The following CTNNB1 variants were observed in gnomAD, a reference collection of about 807,000 sequenced individuals.
CTNNB1 encodes the protein catenin beta 1, also known as catenin beta-1.
In CTNNB1, 6 loss-of-function variants were observed where a neutral mutation model predicts 82.5. The ratio of observed to expected loss-of-function variants is 0.07; its 90% CI spans 0.04 to 0.14. The LOEUF is 0.14. CTNNB1 is among the 10% of genes least tolerant of loss of function. The pLI is 1.00. For synonymous variants in CTNNB1, 312 were observed against 329.7 expected (o/e 0.95, Z 0.58); for missense variants, 529 against 980.4 (o/e 0.54, Z 6.15).
Position 41,233,800 on chromosome 3 carries a change from G to C in CTNNB1, c.1457G>C (p.Arg486Pro), listed in dbSNP as rs750554859. 1 of 1,612,854 alleles carries C rather than the reference G, an allele frequency of 6.2e-7. No individual in the cohort carries two copies. The highest frequency in any genetic ancestry group is 8.5e-7 in the Non-Finnish European group (1 of 1,179,112). ...GCAGAGATGGCCCAGAATGCAGTTC[G>C]CCTTCACTATGGACTACCAGTTGTG... Reference protein sequence around the residue: ...QEAEMAQNAVRLHYGLPVVVK... With the variant: ...QEAEMAQNAVPLHYGLPVVVK... Residue 486 changes from arginine (R) to proline (P), a missense_variant, in exon 9 of 15, where the codon CGC becomes CCC. Arg to Pro is a moderately radical substitution (Grantham distance 103). This residue lies in a region of CTNNB1 where 411 missense variants were observed against 776.4 expected (regional missense o/e 0.53). Coordinates refer to ENST00000349496, the MANE Select transcript of CTNNB1 (RefSeq NM_001904.4).
chr3:41,226,502 G>A (rs1472566014), intron 6 of CTNNB1, among the ~76,000 whole-genome samples: 1 of 152,164 alleles, frequency 6.6e-6, no homozygotes, highest in Non-Finnish European at 1.5e-5. Context: ...AAGGTTAGGT[G>A]AGAAAACAAC....
intron 1 of CTNNB1, chr3:41,200,356 C>T (rs1323157024): frequency 6.6e-6 from 1 of 152,146 alleles, no homozygotes; most frequent in Admixed American, 6.6e-5. Context: ...CCATGTCTTG[C>T]ACCTGTATTT....
intron 1 of CTNNB1, among the ~76,000 whole-genome samples, chr3:41,214,675 T>G (rs942419612): frequency 6.6e-6 from 1 of 152,192 alleles, no homozygotes; most frequent in Non-Finnish European, 1.5e-5. Flanking sequence ...TACACCTGCC[T>G]TTGTTCTCAG....
At position 41,240,372 on chromosome 3, in the gene CTNNB1, T is replaced by G. The variant is rs1377027689; in HGVS notation, c.*1030T>G. The G allele has an allele frequency of 1.1e-5, 2 of 186,508 alleles. No homozygotes were observed. The highest frequency in any genetic ancestry group is 2.3e-5 in the Non-Finnish European group (2 of 88,000). 11.6% of individuals were successfully genotyped at this position (186,508 alleles called of 1,614,324 possible). On this transcript the variant is annotated 3_prime_UTR_variant, in exon 15 of 15. Transcript: ENST00000349496. Reference sequence around the variant, plus strand: ...CTTTTATCCCAAAGTTGTTGTAACCTGCTGTGATACGATGCTTCAAGAGAA... The same window carrying G: ...CTTTTATCCCAAAGTTGTTGTAACCGGCTGTGATACGATGCTTCAAGAGAA...
At chr3:41,209,713 A>G (rs1438798033) in intron 1 of CTNNB1, among the ~76,000 whole-genome samples, 1 of 152,230 alleles carries the variant, frequency 6.6e-6, no homozygotes, top group African/African-American at 2.4e-5. Flanking sequence ...ACATAAAGGT[A>G]GGTATTTTTA....
At chr3:41,234,985 T>C (rs1301111783) in intron 10 of CTNNB1, 1 of 154,716 alleles carries the variant, frequency 6.5e-6, no homozygotes, top group Admixed American at 6.3e-5. Context: ...GGGCTTTGGC[T>C]TTCTTCATTT....
At chr3:41,220,058 C>T (rs191661226) in intron 1 of CTNNB1, among the ~76,000 whole-genome samples, 54 of 152,132 alleles carry the variant, frequency 3.5e-4, no homozygotes, top group African/African-American at 1.3e-3. Context: ...GTGGTGGACT[C>T]ATATGATGGA....
At chr3:41,215,320 A>T (rs3207381) in intron 1 of CTNNB1, among the ~76,000 whole-genome samples, 1 of 135,998 alleles carries the variant, frequency 7.4e-6, no homozygotes, top group South Asian at 2.6e-4. Flanking sequence ...GAGGCGGAGG[A>T]TGCAGTGAGC....
In CTNNB1 at chr3:41,239,629, C is replaced by G; in HGVS notation, c.*287C>G. 1 of 488,040 alleles carries G rather than the reference C, an allele frequency of 2.0e-6. No individual in the cohort carries two copies. Among genetic ancestry groups the G allele is most frequent in the South Asian group, 2.1e-5 (1 of 47,838 alleles). 30.2% of individuals were successfully genotyped at this position (488,040 alleles called of 1,614,324 possible). A position where few individuals can be genotyped will look rare whatever the true frequency, so the allele number is the denominator to read the frequency against. On this transcript the variant is annotated 3_prime_UTR_variant, in exon 15 of 15. Coordinates refer to ENST00000349496, the MANE Select transcript of CTNNB1 (RefSeq NM_001904.4). ...AATGAGTAACATTTGCTGTTTTAAA[C>G]ATTAATAGCAGCCTTTCTCTCTTTA...
chr3:41,213,338 CCTT>C (rs1319663933), intron 1 of CTNNB1, among the ~76,000 whole-genome samples: 1 of 152,202 alleles, frequency 6.6e-6, no homozygotes, highest in Non-Finnish European at 1.5e-5. Flanking sequence ...TTACATGTTA[CCTT>C]CAAGAAGCCT....
At chr3:41,217,688 T>C (rs541058813) in intron 1 of CTNNB1, among the ~76,000 whole-genome samples, 70 of 152,372 alleles carry the variant, frequency 4.6e-4, no homozygotes, top group Admixed American at 9.8e-4. Context: ...AGTTTCACCA[T>C]ATCCTTATTA....
intron 7 of CTNNB1, among the ~76,000 whole-genome samples, chr3:41,230,988 A>G (rs1470174353): frequency 6.6e-6 from 1 of 152,244 alleles, no homozygotes; most frequent in African/African-American, 2.4e-5. Flanking sequence ...GAGCTGTCCT[A>G]GGCCATGTGG....
chr3:41,234,312 AC>A lies in CTNNB1; in HGVS notation c.1683+16del. Reference sequence around the variant, plus strand: ...AGCAATTTGTGGTAGGTAAATTCTTACAGTGATACCTGGCTATCTAAAAGGA... The same window carrying A: ...AGCAATTTGTGGTAGGTAAATTCTTAAGTGATACCTGGCTATCTAAAAGGA... On this transcript the variant is annotated intron_variant, in intron 10 of 14. Transcript: ENST00000349496. 6.2e-7 allele frequency: 1 copy of A among 1,613,966 alleles called. No individual in the cohort carries two copies.
intron 13 of CTNNB1, 35 bp from the exon 14 acceptor site, chr3:41,237,981 T>C: frequency 6.3e-7 from 1 of 1,597,256 alleles, no homozygotes; most frequent in Non-Finnish European, 8.6e-7. Flanking sequence ...TCATTTTGCT[T>C]TCTATTCTTC....
intron 1 of CTNNB1, among the ~76,000 whole-genome samples, chr3:41,212,196 G>A (rs1267274493): frequency 6.6e-6 from 1 of 152,124 alleles, no homozygotes; most frequent in Non-Finnish European, 1.5e-5. Flanking sequence ...CTGAAAGTTG[G>A]CTACTTATTT....
intron 7 of CTNNB1, among the ~76,000 whole-genome samples, chr3:41,231,438 T>TA (rs1430452863): frequency 6.6e-6 from 1 of 152,202 alleles, no homozygotes; most frequent in East Asian, 1.9e-4. Flanking sequence ...TGAGGTTAGG[T>TA]AAGCAGAGCC....
At chr3:41,224,275 T>C (rs1392153772) in intron 2 of CTNNB1, 194 bp downstream of exon 2, 6 of 750,852 alleles carry the variant, frequency 8.0e-6, no homozygotes, top group Non-Finnish European at 1.4e-5. Context: ...CTAGTCTGGA[T>C]GACTGCTTCT....
chr3:41,219,296 A>T (rs1383495799), intron 1 of CTNNB1, among the ~76,000 whole-genome samples: 2 of 152,198 alleles, frequency 1.3e-5, no homozygotes, highest in East Asian at 3.8e-4. Context: ...CTGATCAAAG[A>T]TGCTGTGTGG....
intron 1 of CTNNB1, among the ~76,000 whole-genome samples, chr3:41,209,127 C>G (rs949173720): frequency 1.3e-5 from 2 of 152,186 alleles, no homozygotes; most frequent in African/African-American, 4.8e-5. Context: ...AGCTTTTCCT[C>G]TTACTTCACT....
Sources: gnomAD v4.1 joint callset for allele counts (sites outside exome capture counted in the v4.1 genomes callset) on GRCh38, gnomAD v4.1.1 for gene constraint, gnomAD v4.1.1 regional missense constraint, MANE v1.5 for transcripts, NCBI Gene and HGNC (gene_info 2026-07-23, HGNC 2026-07-21) for gene names.